MAPKAP1: variants seen among roughly 807,000 people sequenced by gnomAD.
The protein encoded by MAPKAP1 is target of rapamycin complex 2 subunit MAPKAP1.
Under a neutral mutation model 65.7 loss-of-function variants are expected in MAPKAP1, and 20 were observed. The ratio of observed to expected loss-of-function variants is 0.30; its 90% CI spans 0.21 to 0.44. The LOEUF is 0.44. Among genes scored for constraint, MAPKAP1 ranks in the 20% least tolerant of loss-of-function variants. The pLI is 1.00. For synonymous variants in MAPKAP1, 222 were observed against 244.3 expected (o/e 0.91, Z 0.85); for missense variants, 423 against 648.0 (o/e 0.65, Z 3.77).
At chr9:125,585,319 T>C (rs1831746833) in intron 5 of MAPKAP1, among the ~76,000 whole-genome samples, 1 of 151,556 alleles carries the variant, frequency 6.6e-6, no homozygotes, top group Non-Finnish European at 1.5e-5. Context: ...CATAAAAGGG[T>C]TTGGAAATTA....
chr9:125,525,433 G>A (rs893486782), intron 7 of MAPKAP1, among the ~76,000 whole-genome samples: 36 of 152,282 alleles, frequency 2.4e-4, no homozygotes, highest in African/African-American at 7.9e-4. Flanking sequence ...CAGCACTTTG[G>A]GAGGCTGAGG....
At chr9:125,690,019 C>T (rs1835119078) in intron 1 of MAPKAP1, among the ~76,000 whole-genome samples, 1 of 151,728 alleles carries the variant, frequency 6.6e-6, no homozygotes, top group Admixed American at 6.6e-5. Context: ...ACCCAGGAGG[C>T]GGAGGCTACA....
intron 1 of MAPKAP1, among the ~76,000 whole-genome samples, chr9:125,676,441 C>T (rs1834646262): frequency 6.6e-6 from 1 of 152,168 alleles, no homozygotes; most frequent in African/African-American, 2.4e-5. Context: ...TATTGTTCAG[C>T]CTTCAAACAC....
At chr9:125,625,239 A>AT (rs138526663) in intron 4 of MAPKAP1, among the ~76,000 whole-genome samples, 16 of 57,788 alleles carry the variant, frequency 2.8e-4, no homozygotes, top group Middle Eastern at 7.9e-3. Context: ...TTATCAATAA[A>AT]AAAAAAATAA....
chr9:125,585,844 T>G, intron 4 of MAPKAP1, 117 bp from the exon 5 acceptor site: 1 of 953,874 alleles, frequency 1.0e-6, no homozygotes, highest in Non-Finnish European at 1.6e-6. Flanking sequence ...AGACCTACTG[T>G]GACCATGGAA....
intron 8 of MAPKAP1, among the ~76,000 whole-genome samples, chr9:125,489,659 G>A (rs1052649280): frequency 2.0e-5 from 3 of 152,060 alleles, no homozygotes; most frequent in Admixed American, 2.0e-4. Flanking sequence ...GGAGAACTGA[G>A]GAATGAGGCC....
At chr9:125,489,955 C>T (rs1589231832) in intron 8 of MAPKAP1, among the ~76,000 whole-genome samples, 1 of 152,220 alleles carries the variant, frequency 6.6e-6, no homozygotes, top group Admixed American at 6.5e-5. Flanking sequence ...CTGTTGGACT[C>T]TGGAGTCCAC....
intron 4 of MAPKAP1, among the ~76,000 whole-genome samples, chr9:125,637,235 C>T (rs1221122416): frequency 1.3e-5 from 2 of 151,906 alleles, no homozygotes; most frequent in Non-Finnish European, 2.9e-5. Flanking sequence ...CACCACTGCA[C>T]TCCAGCCTGA....
At chr9:125,691,017 T>C (rs916540569) in intron 1 of MAPKAP1, among the ~76,000 whole-genome samples, 1 of 152,290 alleles carries the variant, frequency 6.6e-6, no homozygotes, top group East Asian at 1.9e-4. Context: ...ATCCCAGCAC[T>C]GTGGGAGGCC....
chr9:125,552,180 G>A (rs994680259), intron 6 of MAPKAP1, among the ~76,000 whole-genome samples: 2 of 152,164 alleles, frequency 1.3e-5, no homozygotes, highest in African/African-American at 2.4e-5. Flanking sequence ...GGATAGCTTA[G>A]GAATCCACTT....
intron 10 of MAPKAP1, among the ~76,000 whole-genome samples, chr9:125,454,134 T>C (rs1236167199): frequency 6.6e-6 from 1 of 152,236 alleles, no homozygotes; most frequent in Non-Finnish European, 1.5e-5. Flanking sequence ...TACTTCTGAA[T>C]GCAGCAGAAA....
chr9:125,538,178 G>A (rs1455370447), intron 7 of MAPKAP1, among the ~76,000 whole-genome samples: 1 of 152,166 alleles, frequency 6.6e-6, no homozygotes, highest in East Asian at 1.9e-4. Context: ...GAGCAGATAT[G>A]CTCTGACTCA....
At chr9:125,636,876 A>C (rs1028264572) in intron 4 of MAPKAP1, among the ~76,000 whole-genome samples, 4 of 152,088 alleles carry the variant, frequency 2.6e-5, no homozygotes, top group African/African-American at 9.7e-5. Context: ...AATCCACCAC[A>C]CTCACACCTT....
chr9:125,613,619 C>G (rs73593536), intron 4 of MAPKAP1, among the ~76,000 whole-genome samples: 4,262 of 152,148 alleles, frequency 0.028, 193 homozygotes, highest in African/African-American at 0.098. Flanking sequence ...AGATGCTAAT[C>G]CAGAAAACAC....
rs3739768 is a variant in MAPKAP1 at position 125,707,081 on chromosome 9, G to A, written c.-180C>T. On this transcript the variant is annotated 5_prime_UTR_variant, in exon 1 of 12. Transcript: ENST00000265960. Reference sequence around the variant, plus strand: ...CCTGCCCCGAGCTCTGCACTCTCGGGATCCACGGGGACCGGCGCTCCTCCC... The same window carrying A: ...CCTGCCCCGAGCTCTGCACTCTCGGAATCCACGGGGACCGGCGCTCCTCCC... 42 of 398,158 alleles carry A rather than the reference G, an allele frequency of 1.1e-4. No homozygotes were observed. In the East Asian group the frequency reaches 1.5e-3, roughly 14 times the overall value. 24.7% of individuals were successfully genotyped at this position (398,158 alleles called of 1,614,324 possible).
At chr9:125,507,551 C>A (rs933226367) in intron 7 of MAPKAP1, among the ~76,000 whole-genome samples, 1 of 152,164 alleles carries the variant, frequency 6.6e-6, no homozygotes, top group Non-Finnish European at 1.5e-5. Flanking sequence ...CAGTCATTCT[C>A]CTTCCCATGT....
At chr9:125,663,313 C>T (rs565439565) in intron 3 of MAPKAP1, among the ~76,000 whole-genome samples, 3 of 152,292 alleles carry the variant, frequency 2.0e-5, no homozygotes, top group East Asian at 3.9e-4. Context: ...TTTGCACTTG[C>T]TATTTCCTCC....
chr9:125,548,409 C>T (rs992712760), intron 6 of MAPKAP1, among the ~76,000 whole-genome samples: 1 of 152,198 alleles, frequency 6.6e-6, no homozygotes, highest in African/African-American at 2.4e-5. Context: ...TGTCTCAAAA[C>T]GCAAACATCA....
intron 1 of MAPKAP1, among the ~76,000 whole-genome samples, chr9:125,673,886 G>C (rs1385878494): frequency 6.6e-6 from 1 of 152,092 alleles, no homozygotes; most frequent in African/African-American, 2.4e-5. Flanking sequence ...AGGCTGCAGT[G>C]AGCTATGATT....
Sources: allele counts gnomAD v4.1 joint callset (sites outside exome capture counted in the v4.1 genomes callset), GRCh38; gene constraint gnomAD v4.1.1; transcripts MANE v1.5; gene names NCBI Gene and HGNC (gene_info 2026-07-23, HGNC 2026-07-21).